VAV1: variants seen among roughly 807,000 people sequenced by gnomAD.
VAV1 encodes the protein proto-oncogene vav.
VAV1 carries 33 observed loss-of-function variants against 128.1 expected under a neutral mutation model. That is an observed-to-expected ratio of 0.26 (90% CI 0.20 to 0.34). The LOEUF (loss-of-function observed/expected upper bound fraction) is 0.34, where lower values mean the gene tolerates loss of function less well. Ranked by LOEUF, VAV1 falls within the 10% of genes least tolerant of loss-of-function variation. The probability of loss-of-function intolerance (pLI) is 1.00; values close to 1 mark genes in which losing one functional copy is unlikely to be tolerated. For missense variants in VAV1, 715 were observed against 1,093.7 expected (o/e 0.65, Z 4.88); for synonymous variants, 394 against 409.8 (o/e 0.96, Z 0.47).
intron 1 of VAV1, among the ~76,000 whole-genome samples, chr19:6,812,650 C>T (rs1971538767): frequency 6.6e-6 from 1 of 151,960 alleles, no homozygotes; most frequent in Admixed American, 6.6e-5. Flanking sequence ...GACTCTATCT[C>T]AAAACAAAAA....
Position 6,828,481 on chromosome 19 carries a change from C to T in VAV1, c.1086C>T (p.Ala362=), listed in dbSNP as rs1971972440. 1.2e-6 allele frequency: 2 copies of T among 1,614,130 alleles called. No homozygotes were observed. The highest frequency in any genetic ancestry group is 1.7e-6 in the Non-Finnish European group (2 of 1,180,000). The change falls in exon 11 of 27, where the codon GCC becomes GCT. Residue 362 remains alanine, a synonymous_variant. Transcript: ENST00000602142. The surrounding 1 kb of genome is among the most constrained non-coding windows in gnomAD (Gnocchi z 4.5). ...AGAACCTGCGGCTGGCCCTGGATGCCATGAGGGTGAGTGGGTGTAGGGTGC... is the reference window on the plus strand; with the variant it reads ...AGAACCTGCGGCTGGCCCTGGATGCTATGAGGGTGAGTGGGTGTAGGGTGC... ...EKENLRLALD[A]MRDLAQCVNE...
chr19:6,835,214 T>TAC (rs59124872), intron 19 of VAV1, among the ~76,000 whole-genome samples: 2,444 of 145,418 alleles, frequency 0.017, 40 homozygotes, highest in East Asian at 0.049. Flanking sequence ...TATATATACA[T>TAC]ACACACACAC....
intron 1 of VAV1, among the ~76,000 whole-genome samples, chr19:6,792,093 T>G (rs1971031659): frequency 6.6e-6 from 1 of 152,138 alleles, no homozygotes; most frequent in African/African-American, 2.4e-5. Context: ...GGCTCATGCC[T>G]GCAATCCCAG....
intron 26 of VAV1, among the ~76,000 whole-genome samples, chr19:6,854,754 C>T (rs1183700720): frequency 6.6e-6 from 1 of 152,058 alleles, no homozygotes; most frequent in Non-Finnish European, 1.5e-5. Flanking sequence ...TGGAGAATCA[C>T]AGGGCAGCGT....
At chr19:6,837,798 C>T (rs546413655) in intron 21 of VAV1, among the ~76,000 whole-genome samples, 47 of 152,226 alleles carry the variant, frequency 3.1e-4, no homozygotes, top group Admixed American at 2.2e-3. Flanking sequence ...TTGCAGACGA[C>T]GTTCCCCTTT....
intron 2 of VAV1, 23 bp from the exon 3 acceptor site, chr19:6,821,599 G>C: frequency 6.2e-7 from 1 of 1,613,844 alleles, no homozygotes. Context: ...GGGGCTCACT[G>C]AGTGGCCACT....
chr19:6,812,034 A>C (rs1971523199), intron 1 of VAV1, among the ~76,000 whole-genome samples: 1 of 152,188 alleles, frequency 6.6e-6, no homozygotes, highest in African/African-American at 2.4e-5. Context: ...CCTGAAAGTG[A>C]TGCTTATGAC....
At position 6,828,039 on chromosome 19, in the gene VAV1, C is replaced by T. The variant is rs1341817835; in HGVS notation, c.928-37C>T. ...ACCCTGCAACTGGCTGTTTCTGGGA[C>T]CTGCCTCAGTTTCCCCATTGTTCTC... On this transcript the variant is annotated intron_variant, in intron 9 of 26. Coordinates refer to ENST00000602142, the MANE Select transcript of VAV1 (RefSeq NM_005428.4). This position sits in a 1 kb window ranked among gnomAD's most constrained non-coding sequence, Gnocchi z 4.5. The T allele has an allele frequency of 1.3e-6, 2 of 1,594,846 alleles. No individual in the cohort carries two copies. The highest frequency in any genetic ancestry group is 1.7e-5 in the Admixed American group (1 of 59,884).
chr19:6,797,340 C>G (rs1971159906), intron 1 of VAV1, among the ~76,000 whole-genome samples: 1 of 151,998 alleles, frequency 6.6e-6, no homozygotes, highest in Admixed American at 6.6e-5. Context: ...CCTTCACACT[C>G]TAAAGTAAGA....
At position 6,843,125 on chromosome 19, in the gene VAV1, G is replaced by C. The variant is rs750302024; in HGVS notation, c.1981-10G>C. 6.8e-6 allele frequency: 11 copies of C among 1,614,072 alleles called. No homozygotes were observed. The highest frequency in any genetic ancestry group is 1.7e-5 in the Admixed American group (1 of 60,004). On this transcript the variant is annotated splice_polypyrimidine_tract_variant and intron_variant, in intron 21 of 26. Transcript: ENST00000602142. The stretch of plus-strand genomic sequence containing the variant: ...TTACACTAAGTTGGGGTCTCTCTCT[G>C]TATTCTTAGGGCCCTCCTCAGGACC...
rs771056241 is a variant in VAV1, at chr19:6,848,157, C to T, written c.2129+43C>T. 3.3e-6 allele frequency: 5 copies of T among 1,499,598 alleles called. No individual in the cohort carries two copies. In the Admixed American group the frequency reaches 1.1e-4, roughly 33 times the overall value. The allele number at this position is 1,499,598 out of a possible 1,614,324, so 92.9% of individuals were successfully genotyped here. A position where few individuals can be genotyped will look rare whatever the true frequency, so the allele number is the denominator to read the frequency against. On this transcript the variant is annotated intron_variant, in intron 23 of 26. Transcript: ENST00000602142. ...GACTCATACCCTTTTGGGGCCTGGG[C>T]CCTGCGGGCCTGGGAAAAAGGGTAT... is the stretch of plus-strand genomic sequence containing the variant.
At chr19:6,824,592 C>T (rs151144571) in intron 6 of VAV1, among the ~76,000 whole-genome samples, 203 of 151,996 alleles carry the variant, frequency 1.3e-3, no homozygotes, top group African/African-American at 4.7e-3. Flanking sequence ...AGTGCAGTGG[C>T]GTGATCTCAG....
intron 1 of VAV1, among the ~76,000 whole-genome samples, chr19:6,811,866 C>A (rs2048752135): frequency 6.6e-6 from 1 of 152,182 alleles, no homozygotes; most frequent in South Asian, 2.1e-4. Flanking sequence ...CAGTACAATG[C>A]ATGTGCTTCT....
chr19:6,776,438 AT>A (rs1476470192), intron 1 of VAV1, among the ~76,000 whole-genome samples: 48 of 144,120 alleles, frequency 3.3e-4, no homozygotes, highest in African/African-American at 1.0e-3. Flanking sequence ...CCATCCATCC[AT>A]CCATCCACCC....
chr19:6,851,169 TAGAGAG>T (rs905008722), intron 24 of VAV1, among the ~76,000 whole-genome samples: 9 of 151,466 alleles, frequency 5.9e-5, no homozygotes, highest in Non-Finnish European at 1.2e-4. Context: ...TATAGATAGA[TAGAGAG>T]AGAGAGATTG....
At chr19:6,811,802 AACAAG>A (rs1971518386) in intron 1 of VAV1, among the ~76,000 whole-genome samples, 1 of 152,194 alleles carries the variant, frequency 6.6e-6, no homozygotes, top group Non-Finnish European at 1.5e-5. Flanking sequence ...TACTGTAACA[AACAAG>A]ACATTTCAGT....
chr19:6,797,541 T>G (rs2144724687), intron 1 of VAV1, among the ~76,000 whole-genome samples: 1 of 151,506 alleles, frequency 6.6e-6, no homozygotes, highest in Non-Finnish European at 1.5e-5. Flanking sequence ...CAGTCTCTAC[T>G]AAAACTGCAA....
In VAV1 at chr19:6,828,769, C is replaced by T. The variant is rs183620965; in HGVS notation, c.1180-46C>T. ...CCACGTGGGGAGAGTGTGTGTCTGG[C>T]TCCTTTCTTGGGAGACCCTTGCTAG... On this transcript the variant is annotated intron_variant, in intron 12 of 26. Transcript: ENST00000602142. This position sits in a 1 kb window ranked among gnomAD's most constrained non-coding sequence, Gnocchi z 4.5. 5.6e-6 allele frequency: 9 copies of T among 1,613,938 alleles called. No individual in the cohort carries two copies. The Admixed American group carries it at 1.5e-4, about 27-fold the overall frequency.
chr19:6,834,640 AAT>A (rs1487606285), intron 19 of VAV1, among the ~76,000 whole-genome samples: 1 of 146,630 alleles, frequency 6.8e-6, no homozygotes, highest in Non-Finnish European at 1.5e-5. Context: ...ATATAGTAAT[AAT>A]ATATTATAAT....
Sources: allele counts gnomAD v4.1 joint callset (sites outside exome capture counted in the v4.1 genomes callset), GRCh38; gene constraint gnomAD v4.1.1; non-coding constraint Gnocchi (gnomAD v3.1); transcripts MANE v1.5; gene names NCBI Gene and HGNC (gene_info 2026-07-23, HGNC 2026-07-21).